Variants in SEMA4B observed in about 807,000 individuals in gnomAD.
The protein encoded by SEMA4B is semaphorin-4B.
In SEMA4B, 55 loss-of-function variants were observed where a neutral mutation model predicts 88.1. The ratio of observed to expected loss-of-function variants is 0.62; its 90% CI spans 0.50 to 0.78. SEMA4B has a LOEUF of 0.78. Ranked by LOEUF, SEMA4B falls within the 30% of genes least tolerant of loss-of-function variation. SEMA4B has a pLI of 0.00. For missense variants in SEMA4B, 1,062 were observed against 1,111.9 expected (o/e 0.96, Z 0.64); for synonymous variants, 525 against 473.6 (o/e 1.11, Z -1.41).
chr15:90,217,211 A>G, intron 1 of SEMA4B: 2 of 454,120 alleles, frequency 4.4e-6, no homozygotes, highest in Non-Finnish European at 7.8e-6. Context: ...AGGGTGCCGT[A>G]GTAAGTATCC....
intron 5 of SEMA4B, 29 bp from the exon 6 acceptor site, chr15:90,221,338 C>G: frequency 6.7e-7 from 1 of 1,497,178 alleles, no homozygotes; most frequent in South Asian, 1.2e-5. Flanking sequence ...GCTGAGGAGC[C>G]CATTCCCATG....
intron 3 of SEMA4B, 31 bp downstream of exon 3, chr15:90,217,860 G>A (rs748514780): frequency 1.9e-6 from 3 of 1,590,502 alleles, no homozygotes; most frequent in Non-Finnish European, 2.6e-6. Context: ...GAGCTGAGCT[G>A]CAGGAGGGAT....
chr15:90,225,633 C>T (rs1261253052), intron 11 of SEMA4B, 28 bp from the exon 12 acceptor site: 2 of 1,552,986 alleles, frequency 1.3e-6, no homozygotes, highest in East Asian at 2.4e-5. Flanking sequence ...CCCATGCCCG[C>T]TTCTCATCCC....
At chr15:90,223,508 C>A in intron 7 of SEMA4B, 51 bp from the exon 8 acceptor site, 1 of 1,489,828 alleles carries the variant, frequency 6.7e-7, no homozygotes, top group African/African-American at 1.4e-5. Flanking sequence ...CGTGCATCCC[C>A]GTCATGGCTC....
At chr15:90,222,249 CTTTTCTTTTTTT>C (rs1283255675) in intron 7 of SEMA4B, among the ~76,000 whole-genome samples, 2 of 104,350 alleles carry the variant, frequency 1.9e-5, no homozygotes, top group African/African-American at 9.8e-5. Context: ...CATTTTTTTT[CTTTTCTTTTTTT>C]TTTTTTTACT....
chr15:90,197,203 G>A (rs1287604540), upstream of SEMA4B, among the ~76,000 whole-genome samples: 1 of 151,890 alleles, frequency 6.6e-6, no homozygotes, highest in Non-Finnish European at 1.5e-5. Flanking sequence ...CCTGGGCAAC[G>A]TGGTGAAACC....
upstream of SEMA4B, among the ~76,000 whole-genome samples, chr15:90,196,592 T>G (rs1596121004): frequency 6.6e-6 from 1 of 152,244 alleles, no homozygotes; most frequent in African/African-American, 2.4e-5. Context: ...GTTCAAGAGA[T>G]TCTCCTGCCT....
In SEMA4B at chr15:90,217,436, C is replaced by A. The variant is rs1241130033; in HGVS notation, c.158-3C>A. On this transcript the variant is annotated splice_polypyrimidine_tract_variant and splice_region_variant and intron_variant, in intron 1 of 13. Transcript: ENST00000411539. ...CAGGTAATACCCATCTTCCTCTCCC[C>A]AGGCTCTGAAGAGCGGCCATTCCTC... is the stretch of plus-strand genomic sequence containing the variant. The A allele has an allele frequency of 1.2e-6, 2 of 1,612,120 alleles. No homozygotes were observed. Among genetic ancestry groups the A allele is most frequent in the South Asian group, 1.1e-5 (1 of 90,664 alleles).
In SEMA4B at chr15:90,228,989, G is replaced by A; in HGVS notation, c.*346G>A. 2.5e-6 allele frequency: 1 copy of A among 396,620 alleles called. No homozygotes were observed. The highest frequency in any genetic ancestry group is 4.8e-6 in the Non-Finnish European group (1 of 210,266). The allele number at this position is 396,620 out of a possible 1,614,324, so 24.6% of individuals were successfully genotyped here. On this transcript the variant is annotated 3_prime_UTR_variant, in exon 14 of 14. Transcript: ENST00000411539. The stretch of plus-strand genomic sequence containing the variant: ...GATAGCATGGCATGCAGCACACACG[G>A]CTGCTCCAGTTCATGGCCTCCCAGG...
intron 1 of SEMA4B, chr15:90,193,215 A>G (rs1334988912): frequency 6.6e-6 from 1 of 152,292 alleles, no homozygotes; most frequent in Non-Finnish European, 1.5e-5. Flanking sequence ...AACAGGAGAC[A>G]CATCGTTGGC....
chr15:90,202,224 G>A (rs1960781268), intron 1 of SEMA4B, among the ~76,000 whole-genome samples: 1 of 152,252 alleles, frequency 6.6e-6, no homozygotes, highest in Admixed American at 6.5e-5. Context: ...TCCATCCCTG[G>A]CTTGCCAGTG....
chr15:90,221,125 G>A (rs3826000), intron 5 of SEMA4B, 32 bp downstream of exon 5: 360,886 of 1,498,476 alleles, frequency 0.24, 46,435 homozygotes, highest in Non-Finnish European at 0.26. Flanking sequence ...GCTTCATTGA[G>A]GTTCCATGTA....
At chr15:90,214,898 T>G in intron 1 of SEMA4B, 1 of 998,192 alleles carries the variant, frequency 1.0e-6, no homozygotes. Flanking sequence ...ATTTCACTAC[T>G]TTCTTTTCTT....
intron 1 of SEMA4B, among the ~76,000 whole-genome samples, chr15:90,204,185 G>T (rs1960880734): frequency 6.6e-6 from 1 of 152,164 alleles, no homozygotes; most frequent in Admixed American, 6.5e-5. Context: ...CGGGCCCAGG[G>T]CCCTAGTGCC....
At chr15:90,220,060 C>T (rs1014356235) in intron 4 of SEMA4B, 169 bp downstream of exon 4, 10 of 550,230 alleles carry the variant, frequency 1.8e-5, no homozygotes, top group African/African-American at 3.8e-5. Context: ...TGGCACAAAG[C>T]GCAGCCCTGA....
At chr15:90,226,850 G>T (rs1267373720) in intron 12 of SEMA4B, among the ~76,000 whole-genome samples, 6 of 151,850 alleles carry the variant, frequency 4.0e-5, no homozygotes, top group African/African-American at 1.5e-4. Flanking sequence ...GTGCCTGGTT[G>T]ACTTATCTGT....
chr15:90,223,917 A>T lies in SEMA4B; in HGVS notation c.1123A>T (p.Lys375Ter). The change falls in exon 9 of 14, where the codon AAG becomes TAG. Residue 375 changes from lysine to a stop codon, truncating the protein, a stop_gained. Transcript: ENST00000411539. LOFTEE classifies it high-confidence loss of function. ...GCAGAGAGTCTTCAGCGGCCTCTAC[A>T]AGGAGGTGAACCGTGAGACACAGCA... ...DVQRVFSGLY[K>*]EVNRETQQWY... 1.2e-6 allele frequency: 2 copies of T among 1,613,720 alleles called. No individual in the cohort carries two copies. Among genetic ancestry groups the T allele is most frequent in the Non-Finnish European group, 1.7e-6 (2 of 1,179,824 alleles).
chr15:90,214,784 C>T (rs1269592618), intron 1 of SEMA4B, among the ~76,000 whole-genome samples: 1 of 152,218 alleles, frequency 6.6e-6, no homozygotes, highest in Non-Finnish European at 1.5e-5. Context: ...TCTCTACCAG[C>T]TGTGCGAAGA....
intron 1 of SEMA4B, among the ~76,000 whole-genome samples, chr15:90,205,073 C>A (rs1960926710): frequency 6.6e-6 from 1 of 152,230 alleles, no homozygotes; most frequent in Admixed American, 6.5e-5. Context: ...CCACATCCGG[C>A]CTTAAAGGGA....
Sources: gnomAD v4.1 joint callset for allele counts (sites outside exome capture counted in the v4.1 genomes callset) on GRCh38, gnomAD v4.1.1 for gene constraint, MANE v1.5 for transcripts, NCBI Gene and HGNC (gene_info 2026-07-23, HGNC 2026-07-21) for gene names.